Variants in MBD3 observed in about 807,000 individuals in gnomAD.
MBD3 encodes the protein methyl-CpG binding domain protein 3.
A neutral mutation model predicts 31.2 loss-of-function variants in MBD3; 13 were observed. The observed-to-expected ratio is 0.42, with a 90% confidence interval of 0.27 to 0.66. The LOEUF (loss-of-function observed/expected upper bound fraction) is 0.66, where lower values mean the gene tolerates loss of function less well. Among genes scored for constraint, MBD3 ranks in the 30% least tolerant of loss-of-function variants. MBD3 has a pLI of 0.26. For synonymous variants in MBD3, 223 were observed against 187.4 expected (o/e 1.19, Z -1.55); for missense variants, 440 against 426.5 (o/e 1.03, Z -0.28).
At chr19:1,579,973 G>C (rs11667929) in intron 5 of MBD3, among the ~76,000 whole-genome samples, 2,057 of 152,298 alleles carry the variant, frequency 0.014, 21 homozygotes, top group Non-Finnish European at 0.022. Context: ...GGCCAGGCTG[G>C]TCTTCAACTC....
rs762231326 is a variant in MBD3, at chr19:1,578,343, G to C, written c.873C>G (p.Val291=). 1.9e-6 allele frequency: 3 copies of C among 1,603,058 alleles called. No individual in the cohort carries two copies. The African/African-American group carries it at 4.0e-5, about 21-fold the overall frequency. ...EPDPDPEMEH[V] is the part of the protein sequence containing the mutation. ...CCGTGGCCCCGCAGCACCTGCCCTA[G>C]ACGTGCTCCATCTCCGGGTCCGGGT... The change falls in exon 6 of 7, where the codon GTC becomes GTG. Residue 291 remains valine (V), a synonymous_variant. Transcript: ENST00000434436. The surrounding 1 kb of genome is among the most constrained non-coding windows in gnomAD (Gnocchi z 6.1).
At chr19:1,580,663 T>C (rs1341556301) in intron 5 of MBD3, among the ~76,000 whole-genome samples, 1 of 152,238 alleles carries the variant, frequency 6.6e-6, no homozygotes, top group Non-Finnish European at 1.5e-5. Context: ...CTCACCTGAC[T>C]GTTGCCTGTT....
chr19:1,590,560 T>C (rs1731400426), intron 1 of MBD3, among the ~76,000 whole-genome samples: 1 of 152,124 alleles, frequency 6.6e-6, no homozygotes, highest in South Asian at 2.1e-4. Flanking sequence ...CAAGAATGCG[T>C]AAGCCGTGAT....
In MBD3 at chr19:1,577,551, T is replaced by C. The variant is rs1053252170; in HGVS notation, c.*613A>G. ...GCTGGCGTTGGCACACAGGGAAGGC[T>C]GCCCGATGACGTGCCTCGACTGTGT... On this transcript the variant is annotated 3_prime_UTR_variant, in exon 7 of 7. Transcript: ENST00000434436. 5 of 152,246 alleles carry C rather than the reference T, an allele frequency of 3.3e-5. No homozygotes were observed. The highest frequency in any genetic ancestry group is 1.9e-4 in the East Asian group (1 of 5,194). The allele number at this position is 152,246 out of a possible 1,614,324, so 9.4% of individuals were successfully genotyped here.
intron 3 of MBD3, among the ~76,000 whole-genome samples, chr19:1,583,882 T>C (rs1031917314): frequency 1.2e-4 from 18 of 152,012 alleles, no homozygotes; most frequent in African/African-American, 4.3e-4. Context: ...AGTGCAGTGG[T>C]GTCATCTCGG....
Position 1,576,038 on chromosome 19 carries a change from G to A in MBD3, c.*2126C>T, listed in dbSNP as rs1352466474. ...GACCGAGGGAGAGAGACAGGAGAGA[G>A]AGCAAGAAACAAAGAGGGACAGAGA... On this transcript the variant is annotated 3_prime_UTR_variant, in exon 7 of 7. Coordinates refer to ENST00000434436, the MANE Select transcript of MBD3 (RefSeq NM_001281453.2). The A allele has an allele frequency of 6.6e-6, 1 of 152,572 alleles. No individual in the cohort carries two copies. Among genetic ancestry groups the A allele is most frequent in the East Asian group, 1.9e-4 (1 of 5,212 alleles). The allele number at this position is 152,572 out of a possible 1,614,324, so 9.5% of individuals were successfully genotyped here. A position where few individuals can be genotyped will look rare whatever the true frequency, so the allele number is the denominator to read the frequency against.
Position 1,585,106 on chromosome 19 carries a change from C to G in MBD3, c.219G>C (p.Lys73Asn), listed in dbSNP as rs777419010. Residue 73 changes from lysine to asparagine, a missense_variant, in exon 2 of 7, where the codon AAG becomes AAC. Lys to Asn is a moderately conservative substitution (Grantham distance 94, BLOSUM62 0). Transcript: ENST00000434436. This position sits in a 1 kb window ranked among gnomAD's most constrained non-coding sequence, Gnocchi z 4.1. ...GCACGCGCTGGCGGCTCTTGTTCAT[C>G]TTGCTCATCAGCATCTTGCCCGTGC... is the stretch of plus-strand genomic sequence containing the variant. ...DFRTGKMLMSKMNKSRQRVRY... is the reference protein window; with the variant it reads ...DFRTGKMLMSNMNKSRQRVRY... 2 of 1,612,646 alleles carry G rather than the reference C, an allele frequency of 1.2e-6. No homozygotes were observed. Among genetic ancestry groups the G allele is most frequent in the Non-Finnish European group, 8.5e-7 (1 of 1,179,518 alleles).
intron 3 of MBD3, 55 bp from the exon 4 acceptor site, chr19:1,582,767 A>T: frequency 6.6e-7 from 1 of 1,525,018 alleles, no homozygotes; most frequent in South Asian, 1.2e-5. Context: ...TCCCCACTCC[A>T]GGTCCTTGCT....
intron 4 of MBD3, 126 bp from the exon 5 acceptor site, chr19:1,581,395 G>C: frequency 2.1e-6 from 2 of 970,230 alleles, no homozygotes; most frequent in East Asian, 2.6e-5. Flanking sequence ...CCCAACTTGG[G>C]TTCCATTTCT....
At chr19:1,582,815 G>A in intron 3 of MBD3, 103 bp from the exon 4 acceptor site, 1 of 997,400 alleles carries the variant, frequency 1.0e-6, no homozygotes, top group Non-Finnish European at 1.6e-6. Context: ...CTTGCCCCAT[G>A]TGGGTCCCAA....
Position 1,584,918 on chromosome 19 carries a change from TTCCGCTCTGTGCCC to T in MBD3, c.270+123_270+136del. 10 of 1,306,998 alleles carry T rather than the reference TTCCGCTCTGTGCCC, an allele frequency of 7.7e-6. No homozygotes were observed. The Admixed American group carries it at 8.0e-5, about 11-fold the overall frequency. The allele number at this position is 1,306,998 out of a possible 1,614,324, so 81.0% of individuals were successfully genotyped here. On this transcript the variant is annotated intron_variant, in intron 2 of 6. Coordinates refer to ENST00000434436, the MANE Select transcript of MBD3 (RefSeq NM_001281453.2). ...CGCTCTGCACCCTGTGGCCTGCGCC[TTCCGCTCTGTGCCC>T]TCCGCCCGCTGTGACCTCCTGCGCT...
chr19:1,583,644 G>A (rs1443722683), intron 3 of MBD3, among the ~76,000 whole-genome samples: 1 of 151,914 alleles, frequency 6.6e-6, no homozygotes, highest in Non-Finnish European at 1.5e-5. Flanking sequence ...GATCACTTGA[G>A]GCCAGGAGCC....
At chr19:1,588,750 G>GC (rs2060690507) in intron 1 of MBD3, among the ~76,000 whole-genome samples, 1 of 143,460 alleles carries the variant, frequency 7.0e-6, no homozygotes, top group South Asian at 2.2e-4. Context: ...CTGCACTCCA[G>GC]CCTGGGCGAC....
Position 1,585,225 on chromosome 19 carries a change from G to GC in MBD3, c.111-12dup. 2 of 1,581,130 alleles carry GC rather than the reference G, an allele frequency of 1.3e-6. No individual in the cohort carries two copies. Among genetic ancestry groups the GC allele is most frequent in the Non-Finnish European group, 1.7e-6 (2 of 1,170,478 alleles). On this transcript the variant is annotated splice_polypyrimidine_tract_variant and intron_variant, in intron 1 of 6. Coordinates refer to ENST00000434436, the MANE Select transcript of MBD3 (RefSeq NM_001281453.2). This position sits in a 1 kb window ranked among gnomAD's most constrained non-coding sequence, Gnocchi z 4.1. ...TTCTTCCCGCTCGGGCTGCGGGGAG[G>GC]CGGGACGGTCGGCGCCCCGGGCGGA... is the stretch of plus-strand genomic sequence containing the variant.
chr19:1,580,477 T>G (rs1277425832), intron 5 of MBD3, among the ~76,000 whole-genome samples: 1 of 152,254 alleles, frequency 6.6e-6, no homozygotes, highest in Non-Finnish European at 1.5e-5. Context: ...CTTTCCTTCC[T>G]CTGACCTAAG....
chr19:1,578,133 G>C lies in MBD3; in HGVS notation c.*31C>G, dbSNP rs1917253251. The stretch of plus-strand genomic sequence containing the variant: ...ACCGCGTCTGCAGGCGGCTCCAGCA[G>C]GCAGCACGGGCTCTCGGCAGGGCCT... On this transcript the variant is annotated 3_prime_UTR_variant, in exon 7 of 7. Coordinates refer to ENST00000434436, the MANE Select transcript of MBD3 (RefSeq NM_001281453.2). The surrounding 1 kb of genome is among the most constrained non-coding windows in gnomAD (Gnocchi z 6.1). 1.1e-4 allele frequency: 83 copies of C among 788,508 alleles called. 1 individual carries two copies. The South Asian group carries it at 1.5e-3, about 14-fold the overall frequency. The allele number at this position is 788,508 out of a possible 1,614,324, so 48.8% of individuals were successfully genotyped here.
At chr19:1,590,294 C>G (rs2060697746) in intron 1 of MBD3, among the ~76,000 whole-genome samples, 1 of 151,508 alleles carries the variant, frequency 6.6e-6, no homozygotes, top group Non-Finnish European at 1.5e-5. Context: ...GAAACTCCAT[C>G]TCCAAAAAAA....
Position 1,574,077 on chromosome 19 carries a change from G to A in MBD3, c.*4087C>T, listed in dbSNP as rs1915035806. 6.6e-6 allele frequency: 1 copy of A among 152,150 alleles called. No individual in the cohort carries two copies. The highest frequency in any genetic ancestry group is 1.5e-5 in the Non-Finnish European group (1 of 68,080). The allele number at this position is 152,150 out of a possible 1,614,324, so 9.4% of individuals were successfully genotyped here. The stretch of plus-strand genomic sequence containing the variant: ...TCATGCCTGTAATCCCAGCACTTTG[G>A]GAGGCCGAGGTGGGGGATCACTTGA... On this transcript the variant is annotated 3_prime_UTR_variant, in exon 7 of 7. Coordinates refer to ENST00000434436, the MANE Select transcript of MBD3 (RefSeq NM_001281453.2).
chr19:1,590,392 C>T (rs1039236465), intron 1 of MBD3, among the ~76,000 whole-genome samples: 1 of 152,044 alleles, frequency 6.6e-6, no homozygotes, highest in East Asian at 1.9e-4. Flanking sequence ...GAGGCTGAGG[C>T]GGGTTAACTG....
Sources: gnomAD v4.1 joint callset for allele counts (sites outside exome capture counted in the v4.1 genomes callset) on GRCh38, gnomAD v4.1.1 for gene constraint, Gnocchi (gnomAD v3.1) non-coding constraint, MANE v1.5 for transcripts, NCBI Gene and HGNC (gene_info 2026-07-23, HGNC 2026-07-21) for gene names.